The following MARCHF1 variants were observed in gnomAD, a reference collection of about 807,000 sequenced individuals.
The protein encoded by MARCHF1 is membrane associated ring-CH-type finger 1, also known as E3 ubiquitin-protein ligase MARCHF1.
In MARCHF1, 40 loss-of-function variants were observed where a neutral mutation model predicts 54.2. The ratio of observed to expected loss-of-function variants is 0.74; its 90% CI spans 0.57 to 0.96. The LOEUF is 0.96. Ranked by LOEUF, MARCHF1 falls within the 40% of genes least tolerant of loss-of-function variation. The pLI, the probability that MARCHF1 is intolerant of heterozygous loss-of-function variation, is 0.00. For synonymous variants in MARCHF1, 236 were observed against 236.3 expected (o/e 1.00, Z 0.01); for missense variants, 586 against 656.5 (o/e 0.89, Z 1.17).
At chr4:164,086,112 A>G (rs1262812619) in intron 2 of MARCHF1, among the ~76,000 whole-genome samples, 1 of 151,894 alleles carries the variant, frequency 6.6e-6, no homozygotes, top group Non-Finnish European at 1.5e-5. Flanking sequence ...AATTTATAAT[A>G]TTATTGAGAG....
chr4:163,972,242 C>A (rs13149498), intron 3 of MARCHF1, among the ~76,000 whole-genome samples: 143,504 of 152,190 alleles, frequency 0.94, 68,183 homozygotes, highest in East Asian at 1. Context: ...AGAAATATCT[C>A]ATGTAGATGA....
At chr4:163,612,152 A>T in intron 7 of MARCHF1, 119 bp downstream of exon 7, 1 of 893,046 alleles carries the variant, frequency 1.1e-6, no homozygotes, top group Non-Finnish European at 1.6e-6. Context: ...ATATCCAATC[A>T]GAAAAAGAAC....
At chr4:164,069,980 T>A (rs1560889793) in intron 2 of MARCHF1, among the ~76,000 whole-genome samples, 1 of 152,182 alleles carries the variant, frequency 6.6e-6, no homozygotes, top group Non-Finnish European at 1.5e-5. Flanking sequence ...TGGATAGAGC[T>A]TGAGACTGTA....
chr4:164,371,186 G>A (rs985732511), intron 1 of MARCHF1, among the ~76,000 whole-genome samples: 1 of 151,894 alleles, frequency 6.6e-6, no homozygotes, highest in Non-Finnish European at 1.5e-5. Flanking sequence ...AACTAAACTC[G>A]AACAATTGGC....
intron 1 of MARCHF1, among the ~76,000 whole-genome samples, chr4:164,121,184 T>G (rs1166742998): frequency 2.0e-5 from 3 of 152,206 alleles, no homozygotes; most frequent in African/African-American, 7.2e-5. Flanking sequence ...GTGGCTACTA[T>G]GAGCAATTAT....
chr4:164,211,085 G>C (rs1731756642), intron 1 of MARCHF1, among the ~76,000 whole-genome samples: 1 of 151,800 alleles, frequency 6.6e-6, no homozygotes, highest in South Asian at 2.1e-4. Flanking sequence ...GGGAGAGGTT[G>C]GTCAAAGGGT....
intron 3 of MARCHF1, among the ~76,000 whole-genome samples, chr4:163,918,292 G>GTA (rs1751353593): frequency 6.6e-6 from 1 of 152,038 alleles, no homozygotes; most frequent in South Asian, 2.1e-4. Flanking sequence ...AGACTTGCCT[G>GTA]TATATTTTGG....
chr4:164,188,669 C>T, intron 1 of MARCHF1: 2 of 1,106,364 alleles, frequency 1.8e-6, no homozygotes, highest in East Asian at 2.3e-5. Flanking sequence ...CGCCAAGTGG[C>T]TCATCGGCCG....
intron 1 of MARCHF1, among the ~76,000 whole-genome samples, chr4:164,308,081 G>T (rs894323941): frequency 6.6e-6 from 1 of 152,132 alleles, no homozygotes; most frequent in East Asian, 1.9e-4. Context: ...GTATGGGAGA[G>T]GCTGGAATGA....
intron 4 of MARCHF1, among the ~76,000 whole-genome samples, chr4:163,849,633 G>T (rs1749589424): frequency 6.6e-6 from 1 of 152,114 alleles, no homozygotes; most frequent in East Asian, 1.9e-4. Flanking sequence ...AAAGGTATCA[G>T]GGTAGAAGTG....
chr4:164,226,266 T>G (rs1268523504), intron 1 of MARCHF1, among the ~76,000 whole-genome samples: 1 of 152,072 alleles, frequency 6.6e-6, no homozygotes, highest in Non-Finnish European at 1.5e-5. Context: ...AATAAATAAA[T>G]GTAATAGATA....
intron 4 of MARCHF1, among the ~76,000 whole-genome samples, chr4:163,729,391 C>T (rs1041557892): frequency 7.3e-6 from 1 of 137,366 alleles, no homozygotes; most frequent in African/African-American, 2.7e-5. Context: ...TTCACCAGTT[C>T]ACTCAACTGC....
intron 3 of MARCHF1, chr4:163,932,673 G>T (rs1487468798): frequency 8.1e-6 from 4 of 495,068 alleles, no homozygotes; most frequent in Non-Finnish European, 1.6e-5. Context: ...GAGTGCGGTT[G>T]GGGGCTGCAG....
chr4:164,020,781 CTT>C (rs1248073122), intron 2 of MARCHF1, among the ~76,000 whole-genome samples: 2 of 152,042 alleles, frequency 1.3e-5, no homozygotes, highest in Non-Finnish European at 2.9e-5. Context: ...AAATACAAAA[CTT>C]AGCCACACAT....
At chr4:163,595,201 A>C (rs570483064) in intron 7 of MARCHF1, among the ~76,000 whole-genome samples, 3 of 137,960 alleles carry the variant, frequency 2.2e-5, no homozygotes, top group Non-Finnish European at 3.2e-5. Context: ...ATGTCCATCA[A>C]CTTATCAATA....
intron 1 of MARCHF1, among the ~76,000 whole-genome samples, chr4:164,174,502 T>C (rs560760029): frequency 1.6e-4 from 25 of 152,292 alleles, no homozygotes; most frequent in African/African-American, 5.1e-4. Context: ...AGGGTGATTG[T>C]GGAGTACAAG....
At chr4:164,121,244 T>C (rs1229272851) in intron 1 of MARCHF1, among the ~76,000 whole-genome samples, 1 of 152,064 alleles carries the variant, frequency 6.6e-6, no homozygotes, top group African/African-American at 2.4e-5. Context: ...TCTAGATGCA[T>C]ACAACCTACC....
chr4:164,105,533 A>C (rs1385411412), intron 2 of MARCHF1, among the ~76,000 whole-genome samples: 19 of 110,344 alleles, frequency 1.7e-4, no homozygotes, highest in Admixed American at 7.6e-4. Context: ...CCTATTTAAT[A>C]AATGGTGCTG....
chr4:163,619,813 G>A (rs1002917240), intron 5 of MARCHF1, among the ~76,000 whole-genome samples: 2 of 151,986 alleles, frequency 1.3e-5, no homozygotes, highest in Admixed American at 1.3e-4. Context: ...CATAATTTAT[G>A]TTTAATTAAT....
Sources: allele counts gnomAD v4.1 joint callset (sites outside exome capture counted in the v4.1 genomes callset), GRCh38; gene constraint gnomAD v4.1.1; transcripts MANE v1.5; gene names NCBI Gene and HGNC (gene_info 2026-07-23, HGNC 2026-07-21).